MYOCD: variants seen among roughly 807,000 people sequenced by gnomAD.
MYOCD encodes myocardin.
In MYOCD, 32 loss-of-function variants were observed where a neutral mutation model predicts 96.1. The observed-to-expected ratio is 0.33, with a 90% CI of 0.25 to 0.45. The LOEUF (loss-of-function observed/expected upper bound fraction) is 0.45, where lower values mean the gene tolerates loss of function less well. Among genes scored for constraint, MYOCD ranks in the 20% least tolerant of loss-of-function variants. The pLI is 1.00. For missense variants in MYOCD, 1,133 were observed against 1,200.6 expected, an observed-to-expected ratio of 0.94 and a Z score of 0.83; for synonymous variants, 469 against 469.0, an observed-to-expected ratio of 1.00 and a Z score of 0.00.
At chr17:12,720,682 C>A (rs1182606520) in intron 4 of MYOCD, among the ~76,000 whole-genome samples, 1 of 151,962 alleles carries the variant, frequency 6.6e-6, no homozygotes, top group Non-Finnish European at 1.5e-5. Context: ...AAACATAAAC[C>A]TACCAATCAA....
chr17:12,665,910 A>G lies in MYOCD; in HGVS notation c.-279A>G. 2.0e-6 allele frequency: 1 copy of G among 488,394 alleles called. No homozygotes were observed. Among genetic ancestry groups the G allele is most frequent in the South Asian group, 3.1e-5 (1 of 32,268 alleles). 30.3% of individuals were successfully genotyped at this position (488,394 alleles called of 1,614,324 possible). A position where few individuals can be genotyped will look rare whatever the true frequency, so the allele number is the denominator to read the frequency against. ...TCCGCAATCGCCGGCAGCCTATGACATCAGACAGGAACGCCTGGGATGCCG... is the reference window on the plus strand; with the variant it reads ...TCCGCAATCGCCGGCAGCCTATGACGTCAGACAGGAACGCCTGGGATGCCG... On this transcript the variant is annotated 5_prime_UTR_variant, in exon 1 of 14. Transcript: ENST00000425538. The surrounding 1 kb of genome is among the most constrained non-coding windows in gnomAD (Gnocchi z 4.2).
chr17:12,681,937 C>T (rs757426771), intron 1 of MYOCD, among the ~76,000 whole-genome samples: 1 of 152,192 alleles, frequency 6.6e-6, no homozygotes, highest in Non-Finnish European at 1.5e-5. Context: ...CAACATTTGG[C>T]TAGGGAACAG....
At chr17:12,746,518 G>C (rs1163602453) in intron 9 of MYOCD, among the ~76,000 whole-genome samples, 1 of 152,092 alleles carries the variant, frequency 6.6e-6, no homozygotes, top group Non-Finnish European at 1.5e-5. Flanking sequence ...ATAAGAGTAA[G>C]ACAGGAGACA....
chr17:12,737,303 G>C (rs2032374822), intron 6 of MYOCD, among the ~76,000 whole-genome samples: 1 of 152,132 alleles, frequency 6.6e-6, no homozygotes, highest in Non-Finnish European at 1.5e-5. Flanking sequence ...AACAGTTCCT[G>C]CTACATATTA....
chr17:12,676,245 G>GCACACA (rs36211306), intron 1 of MYOCD, among the ~76,000 whole-genome samples: 79 of 145,676 alleles, frequency 5.4e-4, no homozygotes, highest in African/African-American at 1.9e-3. Context: ...GCGCGCGCAC[G>GCACACA]CACACACACA....
At chr17:12,710,149 C>G (rs2031437941) in intron 2 of MYOCD, among the ~76,000 whole-genome samples, 1 of 152,146 alleles carries the variant, frequency 6.6e-6, no homozygotes, top group Admixed American at 6.5e-5. Context: ...AACCTCACAC[C>G]ACTACATGGG....
Position 12,758,463 on chromosome 17 carries a change from T to C in MYOCD, c.2331+250T>C, listed in dbSNP as rs2033076573. ...AGTTCTGCCATCTGCCAGCTGCCAC[T>C]GTCACTAAGGTGAATACTTCACCTC... On this transcript the variant is annotated intron_variant, in intron 12 of 13. Coordinates refer to ENST00000425538, the MANE Select transcript of MYOCD (RefSeq NM_001146312.3). Among the ~76,000 whole-genome samples the C allele has an allele frequency of 2.0e-5, 3 of 152,226 alleles. No homozygotes were observed. In the South Asian group the frequency reaches 6.2e-4, roughly 32 times the overall value.
intron 12 of MYOCD, among the ~76,000 whole-genome samples, chr17:12,759,808 T>C (rs1213408409): frequency 6.6e-6 from 1 of 152,206 alleles, no homozygotes; most frequent in Non-Finnish European, 1.5e-5. Context: ...AAGAGGTAGA[T>C]TCAGGTCACT....
intron 1 of MYOCD, among the ~76,000 whole-genome samples, chr17:12,686,820 G>C (rs2030144604): frequency 6.6e-6 from 1 of 152,214 alleles, no homozygotes; most frequent in Non-Finnish European, 1.5e-5. Flanking sequence ...CTCTGCTGCT[G>C]TTGCCAAGGG....
At chr17:12,744,503 T>C (rs2032607104) in intron 8 of MYOCD, 67 bp downstream of exon 8, 3 of 1,524,048 alleles carry the variant, frequency 2.0e-6, no homozygotes, top group Non-Finnish European at 2.6e-6. Context: ...TTAATATCTA[T>C]CTGCCAGCAC....
intron 9 of MYOCD, among the ~76,000 whole-genome samples, chr17:12,746,386 A>G (rs1478779251): frequency 6.6e-6 from 1 of 152,184 alleles, no homozygotes; most frequent in Non-Finnish European, 1.5e-5. Context: ...CCCATGGTAG[A>G]AGGGCAGAAG....
At chr17:12,681,377 G>C (rs17702998) in intron 1 of MYOCD, among the ~76,000 whole-genome samples, 17,300 of 152,240 alleles carry the variant, frequency 0.11, 1,094 homozygotes, top group Admixed American at 0.14. Flanking sequence ...GTGAGTGAGA[G>C]AGAATTCCTT....
At chr17:12,715,260 C>T (rs1226064839) in intron 2 of MYOCD, among the ~76,000 whole-genome samples, 1 of 151,860 alleles carries the variant, frequency 6.6e-6, no homozygotes, top group Non-Finnish European at 1.5e-5. Flanking sequence ...TTGGAATGCC[C>T]TGCCTCCATC....
chr17:12,740,183 C>T (rs544339902), intron 7 of MYOCD, among the ~76,000 whole-genome samples: 2 of 152,212 alleles, frequency 1.3e-5, no homozygotes, highest in South Asian at 4.1e-4. Context: ...GATCCACCTG[C>T]CTTGGCCTTC....
intron 5 of MYOCD, among the ~76,000 whole-genome samples, chr17:12,724,633 A>G (rs948281966): frequency 1.3e-5 from 2 of 152,080 alleles, no homozygotes; most frequent in Admixed American, 6.6e-5. Context: ...TCCTAACTTA[A>G]AAATATAGAG....
Position 12,768,745 on chromosome 17 carries a change from C to A in MYOCD, c.*5101C>A, listed in dbSNP as rs1237374841. 2 of 152,032 alleles carry A rather than the reference C, an allele frequency of 1.3e-5. No homozygotes were observed. The highest frequency in any genetic ancestry group is 2.9e-5 in the Non-Finnish European group (2 of 68,000). 9.4% of individuals were successfully genotyped at this position (152,032 alleles called of 1,614,324 possible). On this transcript the variant is annotated 3_prime_UTR_variant, in exon 14 of 14. Transcript: ENST00000425538. ...AGACACTTTGTAAAGAAAAAAAGAG[C>A]AAGCATAGGTTCTCTGTGGGACCTT... is the stretch of plus-strand genomic sequence containing the variant.
chr17:12,712,447 G>A (rs2150680307), intron 2 of MYOCD, among the ~76,000 whole-genome samples: 1 of 152,196 alleles, frequency 6.6e-6, no homozygotes, highest in South Asian at 2.1e-4. Flanking sequence ...GAGGAGTGAG[G>A]CCCCTGCCTT....
chr17:12,750,684 G>C (rs922418596), intron 9 of MYOCD, among the ~76,000 whole-genome samples: 1 of 151,734 alleles, frequency 6.6e-6, no homozygotes, highest in Non-Finnish European at 1.5e-5. Flanking sequence ...GCAAGACTCC[G>C]CCTCAAAAAA....
chr17:12,673,605 T>C (rs1425191700), intron 1 of MYOCD, among the ~76,000 whole-genome samples: 7 of 152,216 alleles, frequency 4.6e-5, no homozygotes, highest in Non-Finnish European at 1.0e-4. Flanking sequence ...AACACTACTA[T>C]GAAAATCTGT....
Sources: allele counts gnomAD v4.1 joint callset (sites outside exome capture counted in the v4.1 genomes callset), GRCh38; gene constraint gnomAD v4.1.1; non-coding constraint Gnocchi (gnomAD v3.1); transcripts MANE v1.5; gene names NCBI Gene and HGNC (gene_info 2026-07-23, HGNC 2026-07-21).